MLLT3: variants seen among roughly 807,000 people sequenced by gnomAD.
MLLT3 encodes protein AF-9.
Under a neutral mutation model 53.2 loss-of-function variants are expected in MLLT3, and 4 were observed. That is an observed-to-expected ratio of 0.08 (90% CI 0.04 to 0.17). The LOEUF (loss-of-function observed/expected upper bound fraction) is 0.17. Among genes scored for constraint, MLLT3 ranks in the 10% least tolerant of loss-of-function variants. MLLT3 has a pLI of 1.00. For synonymous variants in MLLT3, 283 were observed against 230.6 expected (o/e 1.23, Z -2.06); for missense variants, 569 against 684.0 (o/e 0.83, Z 1.87).
In MLLT3 at chr9:20,621,052, C is replaced by T. The variant is rs1311590304; in HGVS notation, c.13-218G>A. ...CGGCTTGGCCCCAGGCGCCCCGGGC[C>T]CCGCATCTACATCGGACAGGATTGT... On this transcript the variant is annotated intron_variant, in intron 1 of 10. Transcript: ENST00000380338. This position sits in a 1 kb window ranked among gnomAD's most constrained non-coding sequence, Gnocchi z 7.0. 1 of 687,762 alleles carries T rather than the reference C, an allele frequency of 1.5e-6. No homozygotes were observed. Among genetic ancestry groups the T allele is most frequent in the Non-Finnish European group, 2.6e-6 (1 of 379,930 alleles). 42.6% of individuals were successfully genotyped at this position (687,762 alleles called of 1,614,324 possible).
At chr9:20,421,090 C>A (rs1264928337) in intron 4 of MLLT3, among the ~76,000 whole-genome samples, 2 of 151,986 alleles carry the variant, frequency 1.3e-5, no homozygotes, top group South Asian at 2.1e-4. Context: ...ATGGTGAAAC[C>A]CTGTCTCTAC....
chr9:20,441,531 G>A (rs951220495), intron 4 of MLLT3, among the ~76,000 whole-genome samples: 15 of 152,022 alleles, frequency 9.9e-5, no homozygotes, highest in Non-Finnish European at 1.9e-4. Flanking sequence ...TAGAAAGAAG[G>A]AGAAAATGCC....
At chr9:20,367,517 A>C (rs2118658122) in intron 5 of MLLT3, among the ~76,000 whole-genome samples, 1 of 152,302 alleles carries the variant, frequency 6.6e-6, no homozygotes, top group South Asian at 2.1e-4. Flanking sequence ...GTTTTTTTGA[A>C]AGATTCCATG....
chr9:20,585,777 C>A (rs1819941519), intron 2 of MLLT3, among the ~76,000 whole-genome samples: 1 of 152,166 alleles, frequency 6.6e-6, no homozygotes, highest in African/African-American at 2.4e-5. Flanking sequence ...CATCTTGGAG[C>A]ATGATCACCA....
chr9:20,507,140 C>T (rs1353011863), intron 2 of MLLT3, among the ~76,000 whole-genome samples: 1 of 152,152 alleles, frequency 6.6e-6, no homozygotes, highest in East Asian at 1.9e-4. Context: ...AGAACTGTTT[C>T]TTAAAACATC....
rs183719462 is a variant in MLLT3, at chr9:20,413,751, A to T, written c.1095T>A (p.Asp365Glu). 21 of 1,611,172 alleles carry T rather than the reference A, an allele frequency of 1.3e-5. No homozygotes were observed. Among genetic ancestry groups the T allele is most frequent in the Non-Finnish European group, 1.8e-5 (21 of 1,178,888 alleles). Reference protein sequence around the residue: ...FDDIVDPNDSDVEENISSKSD... With the variant: ...FDDIVDPNDSEVEENISSKSD... ...ATTTAGAGGATATATTCTCCTCCACATCTGAATCATTGGGATCCACAATAT... is the reference window on the plus strand; with the variant it reads ...ATTTAGAGGATATATTCTCCTCCACTTCTGAATCATTGGGATCCACAATAT... Residue 365 changes from aspartate to glutamate, a missense_variant, in exon 5 of 11, where the codon GAT (aspartate) becomes GAA (glutamate). Coordinates refer to ENST00000380338, the MANE Select transcript of MLLT3 (RefSeq NM_004529.4).
chr9:20,489,212 G>A (rs939119427), intron 2 of MLLT3, among the ~76,000 whole-genome samples: 4 of 152,148 alleles, frequency 2.6e-5, no homozygotes, highest in African/African-American at 4.8e-5. Flanking sequence ...GGAATAGAAA[G>A]AATATTGGAA....
intron 2 of MLLT3, among the ~76,000 whole-genome samples, chr9:20,532,274 G>T (rs1397012531): frequency 6.6e-6 from 1 of 151,082 alleles, no homozygotes; most frequent in East Asian, 1.9e-4. Flanking sequence ...ACCTTCTGTT[G>T]TTAGAAATAC....
chr9:20,620,920 C>G lies in MLLT3; in HGVS notation c.13-86G>C, dbSNP rs1055999884. On this transcript the variant is annotated intron_variant, in intron 1 of 10. Transcript: ENST00000380338. The surrounding 1 kb of genome is among the most constrained non-coding windows in gnomAD (Gnocchi z 6.1). Reference sequence around the variant, plus strand: ...ACGTTGCGCCTGACATTTTTTTCCTCCTTCTTGAAACGCACATAAAAGGAA... The same window carrying G: ...ACGTTGCGCCTGACATTTTTTTCCTGCTTCTTGAAACGCACATAAAAGGAA... 6.8e-7 allele frequency: 1 copy of G among 1,469,128 alleles called. No individual in the cohort carries two copies. The highest frequency in any genetic ancestry group is 2.3e-5 in the East Asian group (1 of 43,948). The allele number at this position is 1,469,128 out of a possible 1,614,324, so 91.0% of individuals were successfully genotyped here. A position where few individuals can be genotyped will look rare whatever the true frequency, so the allele number is the denominator to read the frequency against.
At chr9:20,613,897 A>G (rs1820759381) in intron 2 of MLLT3, among the ~76,000 whole-genome samples, 1 of 152,206 alleles carries the variant, frequency 6.6e-6, no homozygotes, top group African/African-American at 2.4e-5. Flanking sequence ...GAAATTTAAC[A>G]TAAACAAATT....
intron 4 of MLLT3, among the ~76,000 whole-genome samples, chr9:20,435,706 C>T (rs2118825053): frequency 6.6e-6 from 1 of 152,060 alleles, no homozygotes; most frequent in South Asian, 2.1e-4. Flanking sequence ...TAGGAAGGTC[C>T]TCTCGAACTT....
intron 4 of MLLT3, among the ~76,000 whole-genome samples, chr9:20,426,713 TG>T (rs1454279827): frequency 6.6e-6 from 1 of 152,126 alleles, no homozygotes; most frequent in Non-Finnish European, 1.5e-5. Context: ...GTGGACTCTT[TG>T]GGAGTTCTTA....
chr9:20,345,582 G>T lies in MLLT3; in HGVS notation c.*861C>A. On this transcript the variant is annotated 3_prime_UTR_variant, in exon 11 of 11. Transcript: ENST00000380338. The stretch of plus-strand genomic sequence containing the variant: ...ACAGTAAAACAGACACAAGAATGTT[G>T]ATGACAGCTCAACAATGCTGGATTC... 4.9e-6 allele frequency: 1 copy of T among 204,886 alleles called. No homozygotes were observed. The highest frequency in any genetic ancestry group is 1.0e-5 in the Non-Finnish European group (1 of 100,268). 12.7% of individuals were successfully genotyped at this position (204,886 alleles called of 1,614,324 possible).
At position 20,350,362 on chromosome 9, in the gene MLLT3, A is replaced by G. The variant is rs191616201; in HGVS notation, c.1575+3163T>C. 9.1e-3 allele frequency among the ~76,000 whole-genome samples: 1,387 copies of G among 152,190 alleles called. 13 individuals are homozygous for G. The highest frequency in any genetic ancestry group is 0.021 in the African/African-American group (883 of 41,494). On this transcript the variant is annotated intron_variant, in intron 10 of 10. Coordinates refer to ENST00000380338, the MANE Select transcript of MLLT3 (RefSeq NM_004529.4). ...TGTAATCCCAGCACTTTGGGAGGCCAAGGCGGGCGGATCACGAGGTCAGGA... is the reference window on the plus strand; with the variant it reads ...TGTAATCCCAGCACTTTGGGAGGCCGAGGCGGGCGGATCACGAGGTCAGGA...
intron 2 of MLLT3, among the ~76,000 whole-genome samples, chr9:20,589,923 C>G (rs1393865675): frequency 6.6e-6 from 1 of 151,966 alleles, no homozygotes; most frequent in Non-Finnish European, 1.5e-5. Flanking sequence ...CTTGGCCAGG[C>G]TGGCCTCGAA....
chr9:20,548,647 C>T (rs887305230), intron 2 of MLLT3, among the ~76,000 whole-genome samples: 1 of 152,030 alleles, frequency 6.6e-6, no homozygotes, highest in African/African-American at 2.4e-5. Context: ...AAAAGTCATC[C>T]CCTGTCCCAG....
chr9:20,469,900 C>A (rs1243350666), intron 2 of MLLT3, among the ~76,000 whole-genome samples: 2 of 151,968 alleles, frequency 1.3e-5, no homozygotes, highest in African/African-American at 4.8e-5. Context: ...AGATTAAAAT[C>A]TTGCTGTCAT....
At chr9:20,450,799 A>G (rs370759183) in intron 3 of MLLT3, among the ~76,000 whole-genome samples, 1 of 152,322 alleles carries the variant, frequency 6.6e-6, no homozygotes, top group South Asian at 2.1e-4. Flanking sequence ...TTATCTGTCT[A>G]TCCTCTAAGT....
intron 2 of MLLT3, among the ~76,000 whole-genome samples, chr9:20,458,982 C>G (rs538176731): frequency 3.9e-5 from 6 of 152,272 alleles, no homozygotes; most frequent in African/African-American, 1.4e-4. Flanking sequence ...CTCAGGTCCA[C>G]AGCCCTGGAT....
Sources: allele counts gnomAD v4.1 joint callset (sites outside exome capture counted in the v4.1 genomes callset), GRCh38; gene constraint gnomAD v4.1.1; non-coding constraint Gnocchi (gnomAD v3.1); transcripts MANE v1.5; gene names NCBI Gene and HGNC (gene_info 2026-07-23, HGNC 2026-07-21).